Variants in SLC25A36 observed in about 807,000 individuals in gnomAD.
SLC25A36 encodes the protein solute carrier family 25 member 36.
In SLC25A36, 24 loss-of-function variants were observed where a neutral mutation model predicts 35.3. The observed-to-expected ratio is 0.68, with a 90% confidence interval of 0.49 to 0.96. SLC25A36 has a LOEUF of 0.96. SLC25A36 is among the 40% of genes least tolerant of loss of function. The pLI, the probability that SLC25A36 is intolerant of heterozygous loss-of-function variation, is 0.00. For missense variants in SLC25A36, 294 were observed against 381.1 expected (o/e 0.77, Z 1.90); for synonymous variants, 141 against 132.2 (o/e 1.07, Z -0.46).
At chr3:140,959,698 G>C in intron 3 of SLC25A36, among the ~76,000 whole-genome samples, 158 bp downstream of exon 3, 1 of 152,144 alleles carries the variant, frequency 6.6e-6, no homozygotes, top group East Asian at 1.9e-4. Flanking sequence ...AAGAATTTCA[G>C]ATTCTAGCCA....
At chr3:140,956,885 A>G (rs910871161) in intron 2 of SLC25A36, 194 bp downstream of exon 2, 29 of 937,550 alleles carry the variant, frequency 3.1e-5, no homozygotes, top group Non-Finnish European at 4.0e-5. Context: ...ATAAAGTGTA[A>G]TTTTACTTCC....
intron 4 of SLC25A36, chr3:140,968,442 A>G (rs756622731): frequency 7.1e-5 from 70 of 983,240 alleles, no homozygotes; most frequent in African/African-American, 1.9e-4. Context: ...TAGGGATAAG[A>G]TAACATTCTC....
At chr3:140,973,676 T>C (rs1559817653) in intron 5 of SLC25A36, 40 bp from the exon 6 acceptor site, 1 of 1,374,096 alleles carries the variant, frequency 7.3e-7, no homozygotes, top group African/African-American at 1.5e-5. Flanking sequence ...TTACTTACTT[T>C]AAAAAACCTA....
At position 140,959,359 on chromosome 3, in the gene SLC25A36, A is replaced by G. The variant is rs1934570826; in HGVS notation, c.207-104A>G. 5.6e-6 allele frequency: 4 copies of G among 709,502 alleles called. No homozygotes were observed. In the South Asian group the frequency reaches 6.2e-5, roughly 11 times the overall value. 44.0% of individuals were successfully genotyped at this position (709,502 alleles called of 1,614,324 possible). A position where few individuals can be genotyped will look rare whatever the true frequency, so the allele number is the denominator to read the frequency against. On this transcript the variant is annotated intron_variant, in intron 2 of 6. Transcript: ENST00000324194. ...GGAAAACTCACCAGAGAAGCACAAC[A>G]TAATACAAATGTACTGGATTTAGAC...
chr3:140,954,261 T>C (rs1190188594), intron 1 of SLC25A36, among the ~76,000 whole-genome samples: 1 of 152,260 alleles, frequency 6.6e-6, no homozygotes, highest in Non-Finnish European at 1.5e-5. Flanking sequence ...TATTCTATTA[T>C]ATAGTTGTAC....
intron 3 of SLC25A36, 127 bp from the exon 4 acceptor site, chr3:140,963,000 A>T: frequency 2.0e-6 from 1 of 511,254 alleles, no homozygotes; most frequent in Non-Finnish European, 3.3e-6. Context: ...ATCTAATGTT[A>T]CATGAGAATG....
At chr3:140,946,849 G>T (rs570235303) in intron 1 of SLC25A36, among the ~76,000 whole-genome samples, 2 of 152,272 alleles carry the variant, frequency 1.3e-5, no homozygotes, top group African/African-American at 4.8e-5. Context: ...TACTAGCCTG[G>T]AGTCCAGGAA....
In SLC25A36 at chr3:140,971,092, T is replaced by C. The variant is rs571567155; in HGVS notation, c.452+99T>C. On this transcript the variant is annotated intron_variant, in intron 5 of 6. Transcript: ENST00000324194. ...CTTTGCTGCTGAATTTGTTTGTTGT[T>C]GTAGTTTAATTTTGAAACTTGGGTC... 36 of 605,334 alleles carry C rather than the reference T, an allele frequency of 5.9e-5. No homozygotes were observed. In the African/African-American group the frequency reaches 6.3e-4, roughly 11 times the overall value. The allele number at this position is 605,334 out of a possible 1,614,324, so 37.5% of individuals were successfully genotyped here.
intron 1 of SLC25A36, 27 bp downstream of exon 1, chr3:140,942,122 T>G: frequency 9.9e-7 from 1 of 1,006,108 alleles, no homozygotes; most frequent in Non-Finnish European, 1.3e-6. Flanking sequence ...GCGTGCGCAC[T>G]GGGGCTGAGG....
At position 140,970,930 on chromosome 3, in the gene SLC25A36, T is replaced by G. The variant is rs1322780031; in HGVS notation, c.389T>G (p.Phe130Cys). 1 of 1,457,800 alleles carries G rather than the reference T, an allele frequency of 6.9e-7. No homozygotes were observed. Among genetic ancestry groups the G allele is most frequent in the South Asian group, 1.1e-5 (1 of 87,212 alleles). The allele number at this position is 1,457,800 out of a possible 1,614,324, so 90.3% of individuals were successfully genotyped here. A position where few individuals can be genotyped will look rare whatever the true frequency, so the allele number is the denominator to read the frequency against. The change falls in exon 5 of 7, where the codon TTT becomes TGT. Residue 130 changes from phenylalanine (F) to cysteine (C), a missense_variant. By Grantham distance (205) the Phe-to-Cys change is radical. Transcript: ENST00000324194. The part of the protein sequence containing the change: ...VHMISAAMAG[F>C]TAITATNPIW... ...CATTTTAAACATGTTTGTTTAGGTTTTACTGCAATCACAGCAACCAACCCC... is the reference window on the plus strand; with the variant it reads ...CATTTTAAACATGTTTGTTTAGGTTGTACTGCAATCACAGCAACCAACCCC...
intron 2 of SLC25A36, 194 bp downstream of exon 2, chr3:140,956,885 A>C: frequency 1.1e-6 from 1 of 937,670 alleles, no homozygotes; most frequent in Non-Finnish European, 1.4e-6. Flanking sequence ...ATAAAGTGTA[A>C]TTTTACTTCC....
intron 4 of SLC25A36, chr3:140,966,855 T>C (rs928841577): frequency 2.3e-6 from 1 of 443,072 alleles, no homozygotes; most frequent in South Asian, 1.6e-5. Context: ...ATCCTTCCAA[T>C]AGGATTCAAT....
intron 4 of SLC25A36, among the ~76,000 whole-genome samples, chr3:140,969,716 A>T (rs1934852741): frequency 6.6e-6 from 1 of 151,870 alleles, no homozygotes; most frequent in Admixed American, 6.6e-5. Context: ...TACACCTTTG[A>T]AAGCCAAGAA....
rs1935067493 is a variant in SLC25A36 at position 140,977,071 on chromosome 3, A to C, written c.*618A>C. ...GTGCTTGTTGTTTAGCCTAATGTGGATATTTAAATTGTTAACATACCAAAC... is the reference window on the plus strand; with the variant it reads ...GTGCTTGTTGTTTAGCCTAATGTGGCTATTTAAATTGTTAACATACCAAAC... On this transcript the variant is annotated 3_prime_UTR_variant, in exon 7 of 7. Coordinates refer to ENST00000324194, the MANE Select transcript of SLC25A36 (RefSeq NM_001104647.3). 1 of 152,134 alleles carries C rather than the reference A, an allele frequency of 6.6e-6. No individual in the cohort carries two copies. Among genetic ancestry groups the C allele is most frequent in the African/African-American group, 2.4e-5 (1 of 41,418 alleles). The allele number at this position is 152,134 out of a possible 1,614,324, so 9.4% of individuals were successfully genotyped here. A position where few individuals can be genotyped will look rare whatever the true frequency, so the allele number is the denominator to read the frequency against.
chr3:140,963,230 A>G lies in SLC25A36; in HGVS notation c.385+3A>G. The G allele has an allele frequency of 6.7e-7, 1 of 1,498,030 alleles. No individual in the cohort carries two copies. The allele number at this position is 1,498,030 out of a possible 1,614,324, so 92.8% of individuals were successfully genotyped here. A position where few individuals can be genotyped will look rare whatever the true frequency, so the allele number is the denominator to read the frequency against. On this transcript the variant is annotated splice_donor_region_variant and intron_variant, in intron 4 of 6. Coordinates refer to ENST00000324194, the MANE Select transcript of SLC25A36 (RefSeq NM_001104647.3). ...TATGATTTCAGCTGCAATGGCAGGTATGAATGTATAATATTAAAAAAAAAA... is the reference window on the plus strand; with the variant it reads ...TATGATTTCAGCTGCAATGGCAGGTGTGAATGTATAATATTAAAAAAAAAA...
At chr3:140,968,614 G>C in intron 4 of SLC25A36, 2 of 947,520 alleles carry the variant, frequency 2.1e-6, no homozygotes, top group Non-Finnish European at 2.5e-6. Context: ...AAAAGGTTTT[G>C]TTCCTAACAA....
rs1935077296 is a variant in SLC25A36, at chr3:140,977,462, ATT to A, written c.*1010_*1011del. On this transcript the variant is annotated 3_prime_UTR_variant, in exon 7 of 7. Coordinates refer to ENST00000324194, the MANE Select transcript of SLC25A36 (RefSeq NM_001104647.3). ...TGACAATATTTGGGACAGTATAAAT[ATT>A]ATAGACAAGGGCCCCCTTGCTGTCT... 7.7e-6 allele frequency: 1 copy of A among 130,530 alleles called. No individual in the cohort carries two copies. The highest frequency in any genetic ancestry group is 7.6e-5 in the Admixed American group (1 of 13,224). The allele number at this position is 130,530 out of a possible 1,614,324, so 8.1% of individuals were successfully genotyped here.
intron 3 of SLC25A36, among the ~76,000 whole-genome samples, chr3:140,960,219 G>A (rs995726313): frequency 2.6e-5 from 4 of 151,976 alleles, no homozygotes; most frequent in South Asian, 2.1e-4. Context: ...ATCTACACAG[G>A]GCTAAGGCTG....
intron 1 of SLC25A36, among the ~76,000 whole-genome samples, chr3:140,946,534 T>A (rs1286947736): frequency 3.9e-5 from 6 of 152,238 alleles, no homozygotes; most frequent in African/African-American, 1.4e-4. Flanking sequence ...ACTTGACTGA[T>A]AATGGTGATT....
Sources: allele counts gnomAD v4.1 joint callset (sites outside exome capture counted in the v4.1 genomes callset), GRCh38; gene constraint gnomAD v4.1.1; transcripts MANE v1.5; gene names NCBI Gene and HGNC (gene_info 2026-07-23, HGNC 2026-07-21).